PRKG1: variants seen among roughly 807,000 people sequenced by gnomAD.
PRKG1 encodes protein kinase cGMP-dependent 1, also known as cGMP-dependent protein kinase 1.
A neutral mutation model predicts 88.1 loss-of-function variants in PRKG1; 35 were observed. The ratio of observed to expected loss-of-function variants is 0.40; its 90% CI spans 0.30 to 0.53. The LOEUF (loss-of-function observed/expected upper bound fraction) is 0.53. PRKG1 is among the 20% of genes least tolerant of loss of function. The probability of loss-of-function intolerance (pLI) is 0.59; values close to 1 mark genes in which losing one functional copy is unlikely to be tolerated. For synonymous variants in PRKG1, 303 were observed against 292.5 expected (o/e 1.04, Z -0.37); for missense variants, 540 against 839.8 (o/e 0.64, Z 4.41).
chr10:52,049,505 A>G (rs986554514), intron 5 of PRKG1, among the ~76,000 whole-genome samples: 10 of 152,196 alleles, frequency 6.6e-5, no homozygotes, highest in African/African-American at 1.4e-4. Context: ...AGCCATTGAA[A>G]GTTTTTAAGC....
intron 2 of PRKG1, among the ~76,000 whole-genome samples, chr10:51,167,272 C>T (rs1283097429): frequency 6.6e-6 from 1 of 151,910 alleles, no homozygotes; most frequent in East Asian, 1.9e-4. Flanking sequence ...ACCTGAATGA[C>T]AAGAAGGAAC....
chr10:51,206,639 T>C (rs774768017), intron 2 of PRKG1, among the ~76,000 whole-genome samples: 2 of 152,196 alleles, frequency 1.3e-5, no homozygotes, highest in Non-Finnish European at 2.9e-5. Context: ...GAGGCCAGCA[T>C]AGAGCTAGCA....
chr10:52,190,771 A>G (rs1331278270), intron 9 of PRKG1, among the ~76,000 whole-genome samples: 2 of 152,140 alleles, frequency 1.3e-5, no homozygotes, highest in Non-Finnish European at 1.5e-5. Flanking sequence ...TCAAGCAGAG[A>G]AAGTGGTGCA....
At chr10:51,309,611 G>A (rs1167260295) in intron 2 of PRKG1, among the ~76,000 whole-genome samples, 1 of 152,240 alleles carries the variant, frequency 6.6e-6, no homozygotes, top group East Asian at 1.9e-4. Context: ...CGATGAGGAT[G>A]CAGAGAAAAT....
At chr10:51,778,443 G>T (rs1400904833) in intron 3 of PRKG1, among the ~76,000 whole-genome samples, 1 of 152,150 alleles carries the variant, frequency 6.6e-6, no homozygotes, top group Non-Finnish European at 1.5e-5. Flanking sequence ...GCCCTTGGGT[G>T]CTTCTAAGGC....
At chr10:51,577,930 A>G (rs1837929905) in intron 3 of PRKG1, among the ~76,000 whole-genome samples, 1 of 152,094 alleles carries the variant, frequency 6.6e-6, no homozygotes, top group Non-Finnish European at 1.5e-5. Context: ...TGGTTCAGTA[A>G]CAGAGGTACT....
intron 3 of PRKG1, among the ~76,000 whole-genome samples, chr10:51,641,604 C>T (rs1044063869): frequency 2.6e-5 from 4 of 151,906 alleles, no homozygotes; most frequent in Non-Finnish European, 4.4e-5. Flanking sequence ...TCTTAGGCAA[C>T]GTCCAAGTGA....
intron 8 of PRKG1, 71 bp from the exon 9 acceptor site, chr10:52,161,818 A>AT (rs549899366): frequency 7.9e-7 from 1 of 1,271,638 alleles, no homozygotes; most frequent in South Asian, 1.2e-5. Context: ...TTGTTTCACT[A>AT]TATCACTGAC....
At chr10:51,495,309 G>A (rs1840821208) in intron 3 of PRKG1, among the ~76,000 whole-genome samples, 1 of 152,086 alleles carries the variant, frequency 6.6e-6, no homozygotes, top group South Asian at 2.1e-4. Context: ...TGGTCAGGCT[G>A]GTCTTAGACG....
At chr10:51,103,446 C>T (rs1323220322) in intron 1 of PRKG1, among the ~76,000 whole-genome samples, 1 of 152,134 alleles carries the variant, frequency 6.6e-6, no homozygotes, top group East Asian at 1.9e-4. Context: ...GCAGTGTCCT[C>T]AAAATTCTCA....
intron 9 of PRKG1, among the ~76,000 whole-genome samples, chr10:52,181,168 G>A (rs955151411): frequency 6.6e-6 from 1 of 152,102 alleles, no homozygotes. Flanking sequence ...GGGTTTCACA[G>A]CTCTTGGTTC....
At chr10:51,806,620 G>A (rs1372926886) in intron 4 of PRKG1, among the ~76,000 whole-genome samples, 2 of 152,150 alleles carry the variant, frequency 1.3e-5, no homozygotes, top group Admixed American at 1.3e-4. Context: ...AGTCCAGAGA[G>A]GTGACAGGAT....
At chr10:51,214,934 C>T (rs1212473935) in intron 2 of PRKG1, among the ~76,000 whole-genome samples, 1 of 152,186 alleles carries the variant, frequency 6.6e-6, no homozygotes, top group East Asian at 1.9e-4. Context: ...CAAATCACCA[C>T]TGAACGGAAA....
chr10:51,349,937 C>A (rs1259829208), intron 2 of PRKG1, among the ~76,000 whole-genome samples: 2 of 152,100 alleles, frequency 1.3e-5, no homozygotes, highest in Non-Finnish European at 2.9e-5. Context: ...TGAGCTTACT[C>A]TCTATAGAAA....
At chr10:51,607,932 T>C (rs983490633) in intron 3 of PRKG1, among the ~76,000 whole-genome samples, 7 of 152,232 alleles carry the variant, frequency 4.6e-5, no homozygotes, top group Admixed American at 3.3e-4. Flanking sequence ...TAAAATATCA[T>C]TGGTTTTGTT....
chr10:52,173,248 A>G (rs1838760436), intron 9 of PRKG1, among the ~76,000 whole-genome samples: 1 of 152,172 alleles, frequency 6.6e-6, no homozygotes, highest in South Asian at 2.1e-4. Context: ...ATTGTGTAGT[A>G]TTGCTTGAAG....
At chr10:52,200,143 A>G (rs1259187846) in intron 9 of PRKG1, among the ~76,000 whole-genome samples, 1 of 152,050 alleles carries the variant, frequency 6.6e-6, no homozygotes, top group Non-Finnish European at 1.5e-5. Context: ...TGATGTACAA[A>G]TTATTTCATC....
chr10:51,573,504 A>G (rs1473605417), intron 3 of PRKG1, among the ~76,000 whole-genome samples: 2 of 151,948 alleles, frequency 1.3e-5, no homozygotes, highest in South Asian at 2.1e-4. Context: ...AATCAGGTAC[A>G]TGTTTTTCAT....
intron 2 of PRKG1, among the ~76,000 whole-genome samples, chr10:51,224,924 A>G (rs1322107403): frequency 6.6e-6 from 1 of 152,192 alleles, no homozygotes; most frequent in East Asian, 1.9e-4. Flanking sequence ...AGTTTTAGCC[A>G]TGCCCCTGCT....
Sources: allele counts gnomAD v4.1 joint callset (sites outside exome capture counted in the v4.1 genomes callset), GRCh38; gene constraint gnomAD v4.1.1; transcripts MANE v1.5; gene names NCBI Gene and HGNC (gene_info 2026-07-23, HGNC 2026-07-21).